The following ZFP28 variants were observed in gnomAD, a reference collection of about 807,000 sequenced individuals.
The protein encoded by ZFP28 is zinc finger protein 28 homolog.
A neutral mutation model predicts 39.5 loss-of-function variants in ZFP28; 31 were observed. The observed-to-expected ratio is 0.79, with a 90% confidence interval of 0.59 to 1.06. The LOEUF (loss-of-function observed/expected upper bound fraction) is 1.06, where lower values mean the gene tolerates loss of function less well. ZFP28 is among the 50% of genes least tolerant of loss of function. ZFP28 has a pLI of 0.00. For missense variants in ZFP28, 925 were observed against 1,048.4 expected, an observed-to-expected ratio of 0.88 and a Z score of 1.63; for synonymous variants, 400 against 378.6, an observed-to-expected ratio of 1.06 and a Z score of -0.66.
chr19:56,548,941 T>C lies in ZFP28; in HGVS notation c.524-17T>C. The C allele has an allele frequency of 1.3e-6, 2 of 1,594,734 alleles. No individual in the cohort carries two copies. The highest frequency in any genetic ancestry group is 1.7e-6 in the Non-Finnish European group (2 of 1,173,602). On this transcript the variant is annotated splice_polypyrimidine_tract_variant and intron_variant, in intron 4 of 7. Transcript: ENST00000301318. ...ACACATGATAAAAGATAAATTTACC[T>C]TCTTTACGTCTTTCAGACTTGAAGG...
Position 56,554,510 on chromosome 19 carries a change from A to C in ZFP28, c.1725A>C (p.Ser575=). 1 of 1,614,168 alleles carries C rather than the reference A, an allele frequency of 6.2e-7. No homozygotes were observed. The change falls in exon 8 of 8, where the codon TCA becomes TCC. Residue 575 remains serine, a synonymous_variant. Coordinates refer to ENST00000301318, the MANE Select transcript of ZFP28 (RefSeq NM_020828.2). This position sits in a 1 kb window ranked among gnomAD's most constrained non-coding sequence, Gnocchi z 6.7. ...VCRKAFSHHA[S]LTQHQRVHSG... Reference sequence around the variant, plus strand: ...GAAAAGCCTTCAGCCATCATGCATCACTCACTCAACATCAAAGAGTACATT... The same window carrying C: ...GAAAAGCCTTCAGCCATCATGCATCCCTCACTCAACATCAAAGAGTACATT...
intron 2 of ZFP28, among the ~76,000 whole-genome samples, chr19:56,540,003 C>T (rs1237425094): frequency 6.6e-6 from 1 of 152,168 alleles, no homozygotes; most frequent in African/African-American, 2.4e-5. Flanking sequence ...AGGAATTGTG[C>T]CCCTTGAGGA....
Position 56,543,192 on chromosome 19 carries a change from A to G in ZFP28, c.300+3476A>G, listed in dbSNP as rs568721412. 1.2e-4 allele frequency among the ~76,000 whole-genome samples: 18 copies of G among 151,872 alleles called. No homozygotes were observed. The East Asian group carries it at 3.1e-3, about 26-fold the overall frequency. ...CAAATCTTTTTAGTGTATTTTTTCTATAAAGTACTTCATATTCATTCTTTT... is the reference window on the plus strand; with the variant it reads ...CAAATCTTTTTAGTGTATTTTTTCTGTAAAGTACTTCATATTCATTCTTTT... On this transcript the variant is annotated intron_variant, in intron 2 of 7. Coordinates refer to ENST00000301318, the MANE Select transcript of ZFP28 (RefSeq NM_020828.2).
chr19:56,550,795 T>C, intron 7 of ZFP28, 190 bp downstream of exon 7: 1 of 1,514,604 alleles, frequency 6.6e-7, no homozygotes, highest in Non-Finnish European at 8.8e-7. Flanking sequence ...CTCCAGTAAC[T>C]GCCATTTCCC....
In ZFP28 at chr19:56,554,091, A is replaced by T. The variant is rs2044328199; in HGVS notation, c.1306A>T (p.Thr436Ser). Residue 436 changes from threonine (T) to serine (S), a missense_variant, in exon 8 of 8, where the codon ACT (threonine) becomes TCT (serine). Physicochemically the swap from Thr to Ser is moderately conservative, Grantham distance 58. This residue lies in a region of ZFP28 where 556 missense variants were observed against 542.9 expected (regional missense o/e 1.02). Transcript: ENST00000301318. This position sits in a 1 kb window ranked among gnomAD's most constrained non-coding sequence, Gnocchi z 6.7. Reference sequence around the variant, plus strand: ...AACTTTTACCCAGAGCTCATCTCTTACTGTTCATCAGAGAATTCACACTGG... The same window carrying T: ...AACTTTTACCCAGAGCTCATCTCTTTCTGTTCATCAGAGAATTCACACTGG... ...KKTFTQSSSL[T>S]VHQRIHTGEK... The T allele has an allele frequency of 6.2e-7, 1 of 1,614,236 alleles. No individual in the cohort carries two copies. Among genetic ancestry groups the T allele is most frequent in the African/African-American group, 1.3e-5 (1 of 75,072 alleles).
intron 5 of ZFP28, 113 bp from the exon 6 acceptor site, chr19:56,549,954 G>A: frequency 1.4e-6 from 1 of 700,512 alleles, no homozygotes; most frequent in Non-Finnish European, 2.4e-6. Context: ...AACTTAAGTT[G>A]CAGTTCTTGG....
intron 2 of ZFP28, among the ~76,000 whole-genome samples, chr19:56,542,118 A>C (rs1292987135): frequency 6.6e-6 from 1 of 151,914 alleles, no homozygotes. Context: ...TGCAGATATG[A>C]GAAGTCAGCC....
chr19:56,551,044 T>G, intron 7 of ZFP28: 1 of 1,184,456 alleles, frequency 8.4e-7, no homozygotes, highest in Non-Finnish European at 1.0e-6. Context: ...GAATTACACA[T>G]AAATGTAAGC....
chr19:56,550,715 T>C lies in ZFP28; in HGVS notation c.898+110T>C, dbSNP rs764900099. 4.5e-6 allele frequency: 7 copies of C among 1,572,050 alleles called. No homozygotes were observed. The South Asian group carries it at 8.0e-5, about 18-fold the overall frequency. On this transcript the variant is annotated intron_variant, in intron 7 of 7. Transcript: ENST00000301318. ...ACAGTAGGAAACTTTACCCAGGGTC[T>C]CTGGGTCTGGAAAGAAAATTGAACT... is the stretch of plus-strand genomic sequence containing the variant.
chr19:56,539,123 TC>T lies in ZFP28; in HGVS notation c.107del (p.Pro36GlnfsTer68). The T allele has an allele frequency of 1.3e-6, 2 of 1,581,600 alleles. No individual in the cohort carries two copies. Among genetic ancestry groups the T allele is most frequent in the Non-Finnish European group, 1.7e-6 (2 of 1,169,388 alleles). On this transcript the variant is annotated frameshift_variant, in exon 1 of 8. Transcript: ENST00000301318. LOFTEE classifies it high-confidence loss of function. ...CGGGCCGAGGCCCGACTGTAGGGAC[TC>T]CAGCCACCTTGGCCCTCCCTGCCCG... ...RAGRGPTVGT[P>X]ATLALPARGR...
Position 56,547,312 on chromosome 19 carries a change from C to T in ZFP28, c.301-196C>T. The T allele has an allele frequency of 1.4e-6, 1 of 713,598 alleles. No individual in the cohort carries two copies. Among genetic ancestry groups the T allele is most frequent in the Non-Finnish European group, 2.3e-6 (1 of 441,676 alleles). The allele number at this position is 713,598 out of a possible 1,614,324, so 44.2% of individuals were successfully genotyped here. A position where few individuals can be genotyped will look rare whatever the true frequency, so the allele number is the denominator to read the frequency against. On this transcript the variant is annotated intron_variant, in intron 2 of 7. Coordinates refer to ENST00000301318, the MANE Select transcript of ZFP28 (RefSeq NM_020828.2). The surrounding 1 kb of genome is among the most constrained non-coding windows in gnomAD (Gnocchi z 4.6). ...CACCAGACAGATTGGGTTAGGGCCC[C>T]ACCCATATGACCTCATTTAACCCTA...
At chr19:56,540,535 T>G (rs1426120390) in intron 2 of ZFP28, among the ~76,000 whole-genome samples, 2 of 152,238 alleles carry the variant, frequency 1.3e-5, no homozygotes, top group Admixed American at 1.3e-4. Flanking sequence ...CAAACTGCTC[T>G]TGAGTGGGTT....
In ZFP28 at chr19:56,550,201, A is replaced by G. The variant is rs2044285259; in HGVS notation, c.802+20A>G. ...CAGCAGGTAAGGATGTCCCTCTCCCATATTTGAATCTATCGTCGGGTACCT... is the reference window on the plus strand; with the variant it reads ...CAGCAGGTAAGGATGTCCCTCTCCCGTATTTGAATCTATCGTCGGGTACCT... On this transcript the variant is annotated intron_variant, in intron 6 of 7. Transcript: ENST00000301318. 2.5e-6 allele frequency: 4 copies of G among 1,590,524 alleles called. No individual in the cohort carries two copies. In the African/African-American group the frequency reaches 5.4e-5, roughly 21 times the overall value.
chr19:56,553,288 A>G (rs1241550208), intron 7 of ZFP28, among the ~76,000 whole-genome samples: 2 of 151,648 alleles, frequency 1.3e-5, no homozygotes, highest in East Asian at 3.9e-4. Context: ...TGGCTTGATC[A>G]TAGTTTACTG....
intron 2 of ZFP28, chr19:56,546,036 A>T (rs1600542777): frequency 6.6e-6 from 1 of 152,368 alleles, no homozygotes; most frequent in East Asian, 1.9e-4. Flanking sequence ...GCATGCTTCC[A>T]TTGTGCCTTG....
chr19:56,550,316 A>C, intron 6 of ZFP28, 135 bp downstream of exon 6: 1 of 1,000,102 alleles, frequency 1.0e-6, no homozygotes, highest in Non-Finnish European at 1.5e-6. Flanking sequence ...CTAAGATAAG[A>C]ATTTGGCATT....
rs2044328313 is a variant in ZFP28, at chr19:56,554,104, G to T, written c.1319G>T (p.Arg440Ile). 1.2e-6 allele frequency: 2 copies of T among 1,614,198 alleles called. No individual in the cohort carries two copies. Among genetic ancestry groups the T allele is most frequent in the Non-Finnish European group, 1.7e-6 (2 of 1,180,028 alleles). The change falls in exon 8 of 8, where the codon AGA (arginine) becomes ATA (isoleucine). Residue 440 changes from arginine (R) to isoleucine (I), a missense_variant. Coordinates refer to ENST00000301318, the MANE Select transcript of ZFP28 (RefSeq NM_020828.2). The surrounding 1 kb of genome is among the most constrained non-coding windows in gnomAD (Gnocchi z 6.7). ...AGCTCATCTCTTACTGTTCATCAGA[G>T]AATTCACACTGGAGAGAAACCTTAT... is the stretch of plus-strand genomic sequence containing the variant. ...TQSSSLTVHQ[R>I]IHTGEKPYKC...
intron 2 of ZFP28, among the ~76,000 whole-genome samples, chr19:56,544,001 A>G (rs2044218501): frequency 6.6e-6 from 1 of 152,220 alleles, no homozygotes; most frequent in South Asian, 2.1e-4. Context: ...TCAAGTGACC[A>G]CATTTTCTTC....
chr19:56,549,975 C>CT, intron 5 of ZFP28, 92 bp from the exon 6 acceptor site: 7 of 1,003,552 alleles, frequency 7.0e-6, no homozygotes, highest in Non-Finnish European at 1.0e-5. Flanking sequence ...TATGGAGTGC[C>CT]TTTTTTGCAG....
Sources: allele counts gnomAD v4.1 joint callset (sites outside exome capture counted in the v4.1 genomes callset), GRCh38; gene constraint gnomAD v4.1.1; regional missense constraint gnomAD v4.1.1; non-coding constraint Gnocchi (gnomAD v3.1); transcripts MANE v1.5; gene names NCBI Gene and HGNC (gene_info 2026-07-23, HGNC 2026-07-21).